CD47: variants seen among roughly 807,000 people sequenced by gnomAD.
CD47 encodes the protein leukocyte surface antigen CD47.
In CD47, 11 loss-of-function variants were observed where a neutral mutation model predicts 44.6. The observed-to-expected ratio is 0.25, with a 90% CI of 0.16 to 0.41. The LOEUF (loss-of-function observed/expected upper bound fraction) is 0.41, where lower values mean the gene tolerates loss of function less well. Among genes scored for constraint, CD47 ranks in the 10% least tolerant of loss-of-function variants. The pLI, the probability that CD47 is intolerant of heterozygous loss-of-function variation, is 1.00. For synonymous variants in CD47, 140 were observed against 136.3 expected (o/e 1.03, Z -0.19); for missense variants, 306 against 386.7 (o/e 0.79, Z 1.75).
At position 108,058,367 on chromosome 3, in the gene CD47, C is replaced by T. The variant is rs761086667; in HGVS notation, c.754G>A (p.Ala252Thr). ...LVIQVIAYIL[A>T]VVGLSLCIAA... ...ATACAGAGACTCAGTCCAACCACAG[C>T]GAGGATATAGGCTATCACCTGAATA... The change falls in exon 6 of 11, where the codon GCT becomes ACT. Residue 252 changes from alanine (A) to threonine (T), a missense_variant. Coordinates refer to ENST00000361309, the MANE Select transcript of CD47 (RefSeq NM_001777.4). The T allele has an allele frequency of 1.9e-6, 3 of 1,564,896 alleles. No homozygotes were observed. Among genetic ancestry groups the T allele is most frequent in the Non-Finnish European group, 2.6e-6 (3 of 1,152,944 alleles).
rs1559963753 is a variant in CD47, at chr3:108,044,460, A to AAC, written c.*2827_*2828insGT. On this transcript the variant is annotated 3_prime_UTR_variant, in exon 11 of 11. Transcript: ENST00000361309. ...AAAAAAAAAAAAACAAAAAAAAAAAACAGAAAGAAAGAAAACTCTCAAGCT... is the reference window on the plus strand; with the variant it reads ...AAAAAAAAAAAAACAAAAAAAAAAAAACCAGAAAGAAAGAAAACTCTCAAGCT... 6 of 91,550 alleles carry AAC rather than the reference A, an allele frequency of 6.6e-5. No individual in the cohort carries two copies. Among genetic ancestry groups the AAC allele is most frequent in the African/African-American group, 1.7e-4 (4 of 23,672 alleles). 5.7% of individuals were successfully genotyped at this position (91,550 alleles called of 1,614,324 possible).
intron 3 of CD47, among the ~76,000 whole-genome samples, chr3:108,069,532 A>C (rs62264062): frequency 6.7e-6 from 1 of 148,668 alleles, no homozygotes; most frequent in Non-Finnish European, 1.5e-5. Flanking sequence ...TTTTTTTTAA[A>C]TAACTCCCTA....
chr3:108,087,541 G>A (rs917519035), intron 1 of CD47, among the ~76,000 whole-genome samples: 1 of 152,150 alleles, frequency 6.6e-6, no homozygotes, highest in African/African-American at 2.4e-5. Context: ...CTGACATACT[G>A]TCTGAAATTT....
intron 8 of CD47, chr3:108,051,659 T>G: frequency 1.8e-6 from 1 of 561,570 alleles, no homozygotes; most frequent in South Asian, 1.4e-5. Flanking sequence ...TCCTTCTGAT[T>G]GCAGAGATAA....
At chr3:108,074,156 C>T (rs1189241794) in intron 2 of CD47, among the ~76,000 whole-genome samples, 1 of 152,096 alleles carries the variant, frequency 6.6e-6, no homozygotes, top group African/African-American at 2.4e-5. Flanking sequence ...TCTGAATCGC[C>T]AGCTACTTGG....
At chr3:108,052,737 T>G (rs1017984206) in intron 7 of CD47, 2 of 152,328 alleles carry the variant, frequency 1.3e-5, no homozygotes, top group African/African-American at 4.8e-5. Flanking sequence ...AATAGATTGC[T>G]TGAGCTCAGG....
chr3:108,048,324 T>C (rs1334371370), intron 10 of CD47, among the ~76,000 whole-genome samples: 2 of 151,154 alleles, frequency 1.3e-5, no homozygotes, highest in African/African-American at 4.9e-5. Context: ...GACTCCATGC[T>C]GAATACACGT....
chr3:108,084,665 TAC>T, intron 1 of CD47, among the ~76,000 whole-genome samples: 2 of 152,218 alleles, frequency 1.3e-5, no homozygotes, highest in African/African-American at 4.8e-5. Context: ...AAAACTTACG[TAC>T]CCCCACTTCT....
Position 108,090,993 on chromosome 3 carries a change from C to G in CD47, c.-85G>C. 1.0e-6 allele frequency: 1 copy of G among 981,150 alleles called. No individual in the cohort carries two copies. The highest frequency in any genetic ancestry group is 1.4e-6 in the Non-Finnish European group (1 of 728,540). 60.8% of individuals were successfully genotyped at this position (981,150 alleles called of 1,614,324 possible). A position where few individuals can be genotyped will look rare whatever the true frequency, so the allele number is the denominator to read the frequency against. On this transcript the variant is annotated 5_prime_UTR_variant, in exon 1 of 11. Coordinates refer to ENST00000361309, the MANE Select transcript of CD47 (RefSeq NM_001777.4). ...CCGCCGTTACAGGCAGGACCGACCG[C>G]CGCCGCGCGTCACAGGCAGGACCCA...
chr3:108,050,809 T>C (rs34578903), intron 8 of CD47: 2 of 524,730 alleles, frequency 3.8e-6, no homozygotes, highest in Non-Finnish European at 7.3e-6. Flanking sequence ...ATAATAACTG[T>C]ATTATTCTCT....
Position 108,047,009 on chromosome 3 carries a change from C to A in CD47, c.*279G>T. The A allele has an allele frequency of 2.8e-6, 1 of 363,562 alleles. No individual in the cohort carries two copies. The highest frequency in any genetic ancestry group is 4.9e-6 in the Non-Finnish European group (1 of 203,690). 22.5% of individuals were successfully genotyped at this position (363,562 alleles called of 1,614,324 possible). A position where few individuals can be genotyped will look rare whatever the true frequency, so the allele number is the denominator to read the frequency against. ...GAAAGGCATCATTCTTGGAAATTGTCCATTCTACTATTGCCCCTAATTGAT... is the reference window on the plus strand; with the variant it reads ...GAAAGGCATCATTCTTGGAAATTGTACATTCTACTATTGCCCCTAATTGAT... On this transcript the variant is annotated 3_prime_UTR_variant, in exon 11 of 11. Transcript: ENST00000361309.
chr3:108,070,305 T>C (rs1364945203), intron 3 of CD47, among the ~76,000 whole-genome samples: 1 of 152,226 alleles, frequency 6.6e-6, no homozygotes, highest in Non-Finnish European at 1.5e-5. Flanking sequence ...TTCAGGATGC[T>C]ACAAGGAAAG....
chr3:108,051,272 T>G (rs919683952), intron 8 of CD47, among the ~76,000 whole-genome samples: 5 of 152,236 alleles, frequency 3.3e-5, no homozygotes, highest in African/African-American at 4.8e-5. Flanking sequence ...CCAGAGCTTA[T>G]GTCCACAACA....
chr3:108,074,315 CT>C (rs869285842), intron 2 of CD47, among the ~76,000 whole-genome samples: 11 of 148,816 alleles, frequency 7.4e-5, no homozygotes, highest in East Asian at 2.0e-4. Context: ...CTAAGTGATT[CT>C]TTTTTTTTTA....
intron 1 of CD47, among the ~76,000 whole-genome samples, chr3:108,084,948 TAC>T (rs2108272370): frequency 6.6e-6 from 1 of 152,204 alleles, no homozygotes; most frequent in South Asian, 2.1e-4. Context: ...ATGTATTTTC[TAC>T]AGTTCCCAAA....
In CD47 at chr3:108,058,351, C is replaced by T. The variant is rs1188363393; in HGVS notation, c.770G>A (p.Ser257Asn). ...IAYILAVVGL[S>N]LCIAACIPMH... Reference sequence around the variant, plus strand: ...ATGACTCTTACCCGCAATACAGAGACTCAGTCCAACCACAGCGAGGATATA... The same window carrying T: ...ATGACTCTTACCCGCAATACAGAGATTCAGTCCAACCACAGCGAGGATATA... The change falls in exon 6 of 11, where the codon AGT (serine) becomes AAT (asparagine). Residue 257 changes from serine (S) to asparagine (N), a missense_variant. Coordinates refer to ENST00000361309, the MANE Select transcript of CD47 (RefSeq NM_001777.4). 1 of 1,559,890 alleles carries T rather than the reference C, an allele frequency of 6.4e-7. No homozygotes were observed. Among genetic ancestry groups the T allele is most frequent in the Non-Finnish European group, 8.7e-7 (1 of 1,149,900 alleles).
intron 7 of CD47, chr3:108,052,545 C>T (rs1448172982): frequency 3.9e-5 from 6 of 152,732 alleles, no homozygotes; most frequent in Admixed American, 2.0e-4. Context: ...TTTTTCACTG[C>T]TTCCAAATGG....
At position 108,047,021 on chromosome 3, in the gene CD47, T is replaced by C; in HGVS notation, c.*267A>G. 2.6e-6 allele frequency: 1 copy of C among 391,674 alleles called. No homozygotes were observed. The allele number at this position is 391,674 out of a possible 1,614,324, so 24.3% of individuals were successfully genotyped here. A position where few individuals can be genotyped will look rare whatever the true frequency, so the allele number is the denominator to read the frequency against. ...TCTTGGAAATTGTCCATTCTACTAT[T>C]GCCCCTAATTGATTAAAAATAACAA... On this transcript the variant is annotated 3_prime_UTR_variant, in exon 11 of 11. Coordinates refer to ENST00000361309, the MANE Select transcript of CD47 (RefSeq NM_001777.4).
chr3:108,059,189 C>T (rs1160477763), intron 5 of CD47, among the ~76,000 whole-genome samples: 1 of 152,076 alleles, frequency 6.6e-6, no homozygotes, highest in East Asian at 1.9e-4. Context: ...TGAAAATAAT[C>T]ATTAAGAAGT....
Sources: gnomAD v4.1 joint callset for allele counts (sites outside exome capture counted in the v4.1 genomes callset) on GRCh38, gnomAD v4.1.1 for gene constraint, MANE v1.5 for transcripts, NCBI Gene and HGNC (gene_info 2026-07-23, HGNC 2026-07-21) for gene names.